The following CCNY variants were observed in gnomAD, a reference collection of about 807,000 sequenced individuals.
CCNY encodes the protein cyclin-Y.
A neutral mutation model predicts 42.8 loss-of-function variants in CCNY; 19 were observed. The ratio of observed to expected loss-of-function variants is 0.44; its 90% CI spans 0.31 to 0.65. CCNY has a LOEUF of 0.65. Ranked by LOEUF, CCNY falls within the 30% of genes least tolerant of loss-of-function variation. The pLI is 0.07. For synonymous variants in CCNY, 165 were observed against 162.7 expected (o/e 1.01, Z -0.11); for missense variants, 370 against 437.3 (o/e 0.85, Z 1.37).
intron 3 of CCNY, among the ~76,000 whole-genome samples, chr10:35,502,306 A>G (rs900592245): frequency 6.6e-5 from 10 of 152,252 alleles, no homozygotes; most frequent in African/African-American, 2.4e-4. Flanking sequence ...AATTATCAAA[A>G]TAAGTATGCT....
chr10:35,411,664 A>G (rs970131550), intron 1 of CCNY, among the ~76,000 whole-genome samples: 2 of 152,162 alleles, frequency 1.3e-5, no homozygotes, highest in Non-Finnish European at 2.9e-5. Context: ...GTTAAGGTGG[A>G]CTATATCTCT....
At chr10:35,383,190 G>T (rs1489882767) in intron 1 of CCNY, among the ~76,000 whole-genome samples, 5 of 152,222 alleles carry the variant, frequency 3.3e-5, no homozygotes, top group African/African-American at 1.2e-4. Flanking sequence ...ACCTGCAGAT[G>T]ACCTAGGGGT....
intron 1 of CCNY, among the ~76,000 whole-genome samples, chr10:35,446,844 T>G (rs1446059599): frequency 1.3e-5 from 2 of 152,260 alleles, no homozygotes; most frequent in African/African-American, 4.8e-5. Flanking sequence ...ATTTGTCTCT[T>G]CATTCCTGAC....
At chr10:35,436,703 G>A (rs1026683930) in intron 1 of CCNY, among the ~76,000 whole-genome samples, 6 of 152,250 alleles carry the variant, frequency 3.9e-5, no homozygotes, top group Admixed American at 1.3e-4. Flanking sequence ...ACTTCTGTAC[G>A]TTGGATGAAA....
At chr10:35,354,616 G>C (rs1017219892) in intron 1 of CCNY, among the ~76,000 whole-genome samples, 1 of 152,196 alleles carries the variant, frequency 6.6e-6, no homozygotes. Flanking sequence ...ATACATTGGG[G>C]CCCATCTTGG....
chr10:35,438,134 CAT>C (rs1182692692), intron 1 of CCNY, among the ~76,000 whole-genome samples: 1 of 151,212 alleles, frequency 6.6e-6, no homozygotes, highest in East Asian at 1.9e-4. Flanking sequence ...TCCATAAAAA[CAT>C]ATCTTCAGAG....
upstream of CCNY, chr10:35,335,880 T>A (rs1480033804): frequency 1.4e-5 from 2 of 143,624 alleles, no homozygotes; most frequent in Non-Finnish European, 2.9e-5. Context: ...CACACACCCG[T>A]AGTCCTCGCT....
chr10:35,385,585 A>G (rs2135200509), intron 1 of CCNY, among the ~76,000 whole-genome samples: 1 of 152,326 alleles, frequency 6.6e-6, no homozygotes, highest in South Asian at 2.1e-4. Flanking sequence ...GCCACTGTAT[A>G]CTCCCAGAAG....
chr10:35,524,517 G>A (rs938239173), intron 4 of CCNY, among the ~76,000 whole-genome samples: 11 of 152,204 alleles, frequency 7.2e-5, no homozygotes, highest in East Asian at 1.9e-4. Flanking sequence ...TCTCTAAGCC[G>A]GTGTGGCTGA....
intron 3 of CCNY, among the ~76,000 whole-genome samples, chr10:35,308,651 A>G (rs1589028427): frequency 6.6e-6 from 1 of 152,102 alleles, no homozygotes; most frequent in African/African-American, 2.4e-5. Context: ...TTCTAGTGGG[A>G]ACAGGGCATC....
chr10:35,503,025 T>C (rs1216983263), intron 3 of CCNY, among the ~76,000 whole-genome samples: 2 of 152,194 alleles, frequency 1.3e-5, no homozygotes, highest in Non-Finnish European at 2.9e-5. Flanking sequence ...TCATTGTAGC[T>C]GATGATACAG....
intron 4 of CCNY, among the ~76,000 whole-genome samples, chr10:35,517,510 G>A (rs1314982706): frequency 6.6e-6 from 1 of 152,184 alleles, no homozygotes; most frequent in Admixed American, 6.5e-5. Context: ...ATTTCAGTGG[G>A]CCAGGTTTTC....
chr10:35,394,815 G>T, intron 1 of CCNY: 1 of 984,452 alleles, frequency 1.0e-6, no homozygotes, highest in Non-Finnish European at 1.2e-6. Flanking sequence ...CTCCTGTTTA[G>T]GTGACCCCAG....
chr10:35,428,904 G>T (rs1838326203), intron 1 of CCNY, among the ~76,000 whole-genome samples: 1 of 152,200 alleles, frequency 6.6e-6, no homozygotes. Context: ...CTCTAGGGCA[G>T]CAAGCCTTTG....
intron 1 of CCNY, among the ~76,000 whole-genome samples, chr10:35,418,851 T>A (rs1239108645): frequency 6.6e-6 from 1 of 151,908 alleles, no homozygotes; most frequent in Admixed American, 6.6e-5. Flanking sequence ...TTTTTTTTAA[T>A]CTCTCTGTCA....
In CCNY at chr10:35,337,124, A is replaced by T; in HGVS notation, c.71A>T (p.Glu24Val). 1 of 1,591,556 alleles carries T rather than the reference A, an allele frequency of 6.3e-7. No homozygotes were observed. Among genetic ancestry groups the T allele is most frequent in the Non-Finnish European group, 8.5e-7 (1 of 1,171,084 alleles). Residue 24 changes from glutamate to valine, a missense_variant, in exon 1 of 10, where the codon GAG becomes GTG. Transcript: ENST00000374704. ...CGGAGGAATGCCCACTCCCGGCTGG[A>T]GTCCTACCGGCCAGACACGGACCTG... Reference protein sequence around the residue: ...KLRRNAHSRLESYRPDTDLSR... With the variant: ...KLRRNAHSRLVSYRPDTDLSR...
intron 3 of CCNY, among the ~76,000 whole-genome samples, chr10:35,324,857 G>A (rs1320269081): frequency 1.3e-5 from 2 of 152,048 alleles, no homozygotes; most frequent in Admixed American, 6.6e-5. Flanking sequence ...CCTTCATAAA[G>A]GATATTTTGT....
At chr10:35,548,523 C>T (rs1841169090) in intron 7 of CCNY, among the ~76,000 whole-genome samples, 1 of 152,068 alleles carries the variant, frequency 6.6e-6, no homozygotes, top group African/African-American at 2.4e-5. Flanking sequence ...GTCTCGATCT[C>T]CTGACCTTGT....
chr10:35,422,102 AT>A (rs1439941560), intron 1 of CCNY, among the ~76,000 whole-genome samples: 3 of 152,110 alleles, frequency 2.0e-5, no homozygotes, highest in African/African-American at 7.2e-5. Flanking sequence ...TTTTTGACTT[AT>A]TTTGTATTCT....
Sources: gnomAD v4.1 joint callset for allele counts (sites outside exome capture counted in the v4.1 genomes callset) on GRCh38, gnomAD v4.1.1 for gene constraint, MANE v1.5 for transcripts, NCBI Gene and HGNC (gene_info 2026-07-23, HGNC 2026-07-21) for gene names.